The following USH2A variants were observed in gnomAD, a reference collection of about 807,000 sequenced individuals.
USH2A encodes usherin, also known as Usher syndrome 2A (autosomal recessive, mild).
In USH2A, 443 loss-of-function variants were observed where a neutral mutation model predicts 538.9. That is an observed-to-expected ratio of 0.82 (90% confidence interval 0.76 to 0.89). The LOEUF (loss-of-function observed/expected upper bound fraction) is 0.89. Ranked by LOEUF, USH2A falls within the 40% of genes least tolerant of loss-of-function variation. The pLI is 0.00. For synonymous variants in USH2A, 2,413 were observed against 2,273.5 expected (o/e 1.06, Z -1.75); for missense variants, 6,633 against 6,324.8 (o/e 1.05, Z -1.65).
intron 16 of USH2A, 68 bp downstream of exon 16, chr1:216,207,205 G>T: frequency 6.3e-7 from 1 of 1,586,644 alleles, no homozygotes; most frequent in Non-Finnish European, 8.6e-7. Flanking sequence ...TATCCTCAAT[G>T]TCAAAGAACT....
At chr1:216,200,579 A>G (rs2034965718) in intron 16 of USH2A, among the ~76,000 whole-genome samples, 1 of 152,218 alleles carries the variant, frequency 6.6e-6, no homozygotes, top group South Asian at 2.1e-4. Flanking sequence ...TCTGACCTAC[A>G]GAAATTATAA....
At chr1:216,153,584 T>C (rs1331460717) in intron 21 of USH2A, among the ~76,000 whole-genome samples, 2 of 152,208 alleles carry the variant, frequency 1.3e-5, no homozygotes, top group African/African-American at 2.4e-5. Context: ...TGGGAAGCAA[T>C]TGACAGACAC....
At chr1:215,862,380 C>A (rs1056094297) in intron 44 of USH2A, among the ~76,000 whole-genome samples, 1 of 151,158 alleles carries the variant, frequency 6.6e-6, no homozygotes, top group Non-Finnish European at 1.5e-5. Context: ...CACTAGGACA[C>A]AGGAAGGGGA....
chr1:216,315,903 G>T (rs1392399706), intron 9 of USH2A, among the ~76,000 whole-genome samples: 1 of 152,112 alleles, frequency 6.6e-6, no homozygotes, highest in South Asian at 2.1e-4. Context: ...TTGTATGAAA[G>T]TTAATGAATA....
chr1:215,667,044 T>C (rs1423449910), intron 64 of USH2A, among the ~76,000 whole-genome samples: 2 of 152,094 alleles, frequency 1.3e-5, no homozygotes, highest in Non-Finnish European at 2.9e-5. Flanking sequence ...TGAGCCAAGA[T>C]TGCGCCATTG....
chr1:215,717,019 C>A (rs537172363), intron 61 of USH2A, among the ~76,000 whole-genome samples: 1 of 152,242 alleles, frequency 6.6e-6, no homozygotes, highest in Admixed American at 6.5e-5. Flanking sequence ...TTCCAGTGGG[C>A]AAATGTCTTC....
intron 21 of USH2A, among the ~76,000 whole-genome samples, chr1:216,144,190 C>T (rs922933870): frequency 1.3e-5 from 2 of 152,174 alleles, no homozygotes; most frequent in Non-Finnish European, 1.5e-5. Flanking sequence ...AGCAATGTAG[C>T]TAATCTTCCC....
chr1:216,116,891 C>T lies in USH2A; in HGVS notation c.4628-19678G>A, dbSNP rs971779868. Reference sequence around the variant, plus strand: ...ATTAGGAACTTCCTGAAGATCAATACTTGATCACACATCTAATTTTGAGTG... The same window carrying T: ...ATTAGGAACTTCCTGAAGATCAATATTTGATCACACATCTAATTTTGAGTG... On this transcript the variant is annotated intron_variant, in intron 21 of 71. Coordinates refer to ENST00000307340, the MANE Select transcript of USH2A (RefSeq NM_206933.4). Among the ~76,000 whole-genome samples the T allele has an allele frequency of 7.9e-5, 12 of 152,042 alleles. 1 individual carries two copies. Among genetic ancestry groups the T allele is most frequent in the African/African-American group, 2.9e-4 (12 of 41,424 alleles).
intron 44 of USH2A, among the ~76,000 whole-genome samples, chr1:215,866,543 C>T (rs1446291661): frequency 6.6e-6 from 1 of 152,126 alleles, no homozygotes; most frequent in Non-Finnish European, 1.5e-5. Context: ...TATTGCAATC[C>T]AATTAAATGG....
chr1:216,175,762 GA>G (rs1288649923), intron 20 of USH2A, among the ~76,000 whole-genome samples: 7 of 152,036 alleles, frequency 4.6e-5, no homozygotes, highest in African/African-American at 1.7e-4. Flanking sequence ...CTAAATAATA[GA>G]TCTTATATAT....
At chr1:215,736,439 C>T (rs1308334068) in intron 60 of USH2A, among the ~76,000 whole-genome samples, 2 of 152,096 alleles carry the variant, frequency 1.3e-5, no homozygotes, top group African/African-American at 4.8e-5. Context: ...GTATGAGTGA[C>T]ATTTCAAATC....
chr1:215,935,318 G>A (rs1199468718), intron 37 of USH2A, among the ~76,000 whole-genome samples: 1 of 151,872 alleles, frequency 6.6e-6, no homozygotes, highest in East Asian at 1.9e-4. Flanking sequence ...TGTTCACTTT[G>A]CTTGAAATGT....
chr1:215,782,925 G>A lies in USH2A; in HGVS notation c.10398C>T (p.Leu3466=), dbSNP rs563370514. 25 of 1,613,282 alleles carry A rather than the reference G, an allele frequency of 1.5e-5. No individual in the cohort carries two copies. The highest frequency in any genetic ancestry group is 2.1e-5 in the Non-Finnish European group (25 of 1,179,694). The part of the protein sequence containing the change: ...VNTYSYTDVN[L]KPYMTYEYRI... ...TGTACTCATATGTCATGTAGGGCTT[G>A]AGGTTCACATCTGGAAAGAGAAAAA... The change falls in exon 53 of 72, where the codon CTC becomes CTT. Residue 3466 remains leucine, a synonymous_variant. Coordinates refer to ENST00000307340, the MANE Select transcript of USH2A (RefSeq NM_206933.4).
At chr1:216,151,579 T>C (rs894304574) in intron 21 of USH2A, among the ~76,000 whole-genome samples, 2 of 152,210 alleles carry the variant, frequency 1.3e-5, no homozygotes, top group Non-Finnish European at 2.9e-5. Flanking sequence ...TAATGACTTC[T>C]CTGCTAGCAT....
At chr1:216,198,606 C>T in intron 17 of USH2A, 22 bp from the exon 18 acceptor site, 1 of 1,605,674 alleles carries the variant, frequency 6.2e-7, no homozygotes. Context: ...AAATAGTGAA[C>T]CTACGTAACT....
intron 47 of USH2A, among the ~76,000 whole-genome samples, chr1:215,821,593 T>C (rs955959761): frequency 6.6e-6 from 1 of 151,922 alleles, no homozygotes. Flanking sequence ...TTTCCTTTGT[T>C]GTGCAGAAGC....
rs533097255 is a variant in USH2A, at chr1:215,648,598, C to T, written c.14512G>A (p.Gly4838Arg). The T allele has an allele frequency of 9.2e-5, 148 of 1,614,102 alleles. 4 individuals carry two copies. The South Asian group carries it at 1.3e-3, about 15-fold the overall frequency. ...PPSGLSSPQIGTLASRTASFR... is the reference protein window; with the variant it reads ...PPSGLSSPQIRTLASRTASFR... Reference sequence around the variant, plus strand: ...GAGGCCGTCCTTGAGGCCAGCGTCCCGATTTGTGGAGAGGACAGTCCTGAG... The same window carrying T: ...GAGGCCGTCCTTGAGGCCAGCGTCCTGATTTGTGGAGAGGACAGTCCTGAG... The change falls in exon 66 of 72, where the codon GGG becomes AGG. Residue 4838 changes from glycine (G) to arginine (R), a missense_variant. By Grantham distance (125) the Gly-to-Arg change is moderately radical. Coordinates refer to ENST00000307340, the MANE Select transcript of USH2A (RefSeq NM_206933.4).
intron 4 of USH2A, among the ~76,000 whole-genome samples, chr1:216,361,926 A>C (rs1309925747): frequency 6.6e-6 from 1 of 152,174 alleles, no homozygotes; most frequent in East Asian, 1.9e-4. Flanking sequence ...AGAACAGGCA[A>C]CATTAATCTA....
chr1:216,240,854 C>T (rs2035923991), intron 13 of USH2A, among the ~76,000 whole-genome samples: 1 of 152,108 alleles, frequency 6.6e-6, no homozygotes, highest in Admixed American at 6.6e-5. Flanking sequence ...CCTAGTATAG[C>T]AGCAAATGTT....
Sources: allele counts gnomAD v4.1 joint callset (sites outside exome capture counted in the v4.1 genomes callset), GRCh38; gene constraint gnomAD v4.1.1; transcripts MANE v1.5; gene names NCBI Gene and HGNC (gene_info 2026-07-23, HGNC 2026-07-21).